The following NOL10 variants were observed in gnomAD, a reference collection of about 807,000 sequenced individuals.
NOL10 encodes the protein H_NH0074G24.1.
A neutral mutation model predicts 103.5 loss-of-function variants in NOL10; 58 were observed. The observed-to-expected ratio is 0.56, with a 90% CI of 0.45 to 0.70. The LOEUF is 0.70. Among genes scored for constraint, NOL10 ranks in the 30% least tolerant of loss-of-function variants. The pLI is 0.00. For missense variants in NOL10, 763 were observed against 807.3 expected (o/e 0.95, Z 0.67); for synonymous variants, 287 against 282.5 (o/e 1.02, Z -0.16).
chr2:10,630,562 A>C (rs13430911), intron 13 of NOL10, among the ~76,000 whole-genome samples: 46,584 of 151,888 alleles, frequency 0.31, 7,897 homozygotes, highest in Non-Finnish European at 0.39. Flanking sequence ...AATACAAAAA[A>C]TTAGTCGGGC....
chr2:10,684,476 A>T, intron 2 of NOL10, 91 bp downstream of exon 2: 1 of 1,033,492 alleles, frequency 9.7e-7, no homozygotes, highest in Non-Finnish European at 1.4e-6. Context: ...CCGCATTCTT[A>T]TAAATCCTCA....
At chr2:10,681,039 G>A (rs1681720650) in intron 3 of NOL10, among the ~76,000 whole-genome samples, 1 of 152,018 alleles carries the variant, frequency 6.6e-6, no homozygotes, top group African/African-American at 2.4e-5. Flanking sequence ...ATCACTTTGG[G>A]GAACGACTTA....
At chr2:10,620,651 T>C (rs917896189) in intron 13 of NOL10, among the ~76,000 whole-genome samples, 1 of 152,216 alleles carries the variant, frequency 6.6e-6, no homozygotes, top group African/African-American at 2.4e-5. Flanking sequence ...AGTACTTAAG[T>C]AGAGTCTTAA....
intron 13 of NOL10, among the ~76,000 whole-genome samples, chr2:10,610,024 A>G (rs1676469072): frequency 6.6e-6 from 1 of 152,202 alleles, no homozygotes; most frequent in Non-Finnish European, 1.5e-5. Context: ...CTCTCCGGCA[A>G]AAGTATTTCT....
intron 13 of NOL10, among the ~76,000 whole-genome samples, chr2:10,642,001 C>T (rs576064827): frequency 3.9e-4 from 59 of 152,216 alleles, no homozygotes; most frequent in Non-Finnish European, 8.1e-4. Context: ...TGGACAGGCA[C>T]TTGCTGTCCA....
At chr2:10,684,485 CACTT>C (rs1682008417) in intron 2 of NOL10, 78 bp downstream of exon 2, 1 of 1,085,066 alleles carries the variant, frequency 9.2e-7, no homozygotes, top group East Asian at 2.6e-5. Context: ...TATAAATCCT[CACTT>C]ATATATAACA....
At chr2:10,677,860 T>C (rs1157353628) in intron 3 of NOL10, among the ~76,000 whole-genome samples, 1 of 139,218 alleles carries the variant, frequency 7.2e-6, no homozygotes, top group Non-Finnish European at 1.5e-5. Flanking sequence ...TGTGTGTGTG[T>C]GTGTGTGTGT....
At chr2:10,592,960 T>C (rs1675467914) in intron 17 of NOL10, among the ~76,000 whole-genome samples, 2 of 152,138 alleles carry the variant, frequency 1.3e-5, no homozygotes, top group African/African-American at 2.4e-5. Flanking sequence ...TAAATACCCG[T>C]CTACACATGC....
chr2:10,686,704 T>C (rs182258792), intron 1 of NOL10, among the ~76,000 whole-genome samples: 9 of 152,282 alleles, frequency 5.9e-5, no homozygotes, highest in East Asian at 1.9e-4. Flanking sequence ...ATACTGAAGA[T>C]AGAAGCAACA....
At chr2:10,576,923 G>A (rs1391184966) in intron 20 of NOL10, among the ~76,000 whole-genome samples, 2 of 147,954 alleles carry the variant, frequency 1.4e-5, no homozygotes, top group Non-Finnish European at 3.0e-5. Flanking sequence ...GAAAAAAAAA[G>A]GGATGAAATC....
intron 1 of NOL10, 35 bp downstream of exon 1, chr2:10,689,761 G>C (rs1193716590): frequency 1.3e-6 from 2 of 1,575,776 alleles, no homozygotes; most frequent in South Asian, 1.2e-5. Flanking sequence ...CGACCCCCAA[G>C]AGCTCGAGAG....
chr2:10,682,130 A>C (rs1358424212), intron 2 of NOL10, 61 bp from the exon 3 acceptor site: 4 of 662,964 alleles, frequency 6.0e-6, no homozygotes, highest in Admixed American at 3.7e-5. Context: ...TATCATAAGA[A>C]GACAAATGGG....
chr2:10,611,471 A>G (rs902188392), intron 13 of NOL10, among the ~76,000 whole-genome samples: 1 of 152,192 alleles, frequency 6.6e-6, no homozygotes, highest in Non-Finnish European at 1.5e-5. Flanking sequence ...ACAAGTGGGG[A>G]GGAAAAAGGG....
At chr2:10,638,393 T>G (rs1196884301) in intron 13 of NOL10, among the ~76,000 whole-genome samples, 1 of 98,384 alleles carries the variant, frequency 1.0e-5, no homozygotes, top group Non-Finnish European at 2.0e-5. Flanking sequence ...GAAAGCTGGG[T>G]GCAGTATTTA....
At chr2:10,623,801 CATAA>C (rs1234182397) in intron 13 of NOL10, among the ~76,000 whole-genome samples, 1 of 152,138 alleles carries the variant, frequency 6.6e-6, no homozygotes, top group Non-Finnish European at 1.5e-5. Context: ...GACTGACCAA[CATAA>C]ATAAATGATA....
At chr2:10,665,251 C>A (rs1680498009) in intron 8 of NOL10, among the ~76,000 whole-genome samples, 1 of 152,112 alleles carries the variant, frequency 6.6e-6, no homozygotes, top group South Asian at 2.1e-4. Context: ...AGAAAAGTTG[C>A]ATTCCAAAAA....
rs561886210 is a variant in NOL10, at chr2:10,600,008, T to TA, written c.1422+844dup. On this transcript the variant is annotated intron_variant, in intron 17 of 20. Transcript: ENST00000381685. Reference sequence around the variant, plus strand: ...CCAGAGGACAGAGAAAGAATAAGCTTAAAAAAAAAAAGAACCTCCTGAGGG... The same window carrying TA: ...CCAGAGGACAGAGAAAGAATAAGCTTAAAAAAAAAAAAGAACCTCCTGAGGG... Among the ~76,000 whole-genome samples the TA allele has an allele frequency of 1.4e-3, 201 of 145,148 alleles. 2 individuals carry two copies. In the East Asian group the frequency reaches 0.014, roughly 10 times the overall value.
intron 19 of NOL10, among the ~76,000 whole-genome samples, chr2:10,584,703 G>C (rs956869051): frequency 1.2e-4 from 18 of 151,908 alleles, no homozygotes; most frequent in African/African-American, 4.4e-4. Context: ...TTCTCAAAAA[G>C]GATGTTTAAC....
rs1306469946 is a variant in NOL10, at chr2:10,587,150, C to CAT, written c.1844+1891_1844+1892dup. Among the ~76,000 whole-genome samples the CAT allele has an allele frequency of 2.3e-3, 64 of 28,034 alleles. 17 individuals are homozygous for CAT. Among genetic ancestry groups the CAT allele is most frequent in the Middle Eastern group, 0.015 (1 of 66 alleles). The allele number at this position is 28,034 out of a possible 152,430, so 18.4% of individuals were successfully genotyped here. A position where few individuals can be genotyped will look rare whatever the true frequency, so the allele number is the denominator to read the frequency against. On this transcript the variant is annotated intron_variant, in intron 19 of 20. Coordinates refer to ENST00000381685, the MANE Select transcript of NOL10 (RefSeq NM_024894.4). ...ATATACATATATACACATATATATA[C>CAT]ATATATACACATATATACACATATA...
Sources: gnomAD v4.1 joint callset for allele counts (sites outside exome capture counted in the v4.1 genomes callset) on GRCh38, gnomAD v4.1.1 for gene constraint, MANE v1.5 for transcripts, NCBI Gene and HGNC (gene_info 2026-07-23, HGNC 2026-07-21) for gene names.